PLCB1: variants seen among roughly 807,000 people sequenced by gnomAD.
The protein encoded by PLCB1 is phospholipase C beta 1, also known as 1-phosphatidylinositol 4,5-bisphosphate phosphodiesterase beta-1.
In PLCB1, 46 loss-of-function variants were observed where a neutral mutation model predicts 161.8. The observed-to-expected ratio is 0.28, with a 90% CI of 0.22 to 0.36. PLCB1 has a LOEUF of 0.36. Ranked by LOEUF, PLCB1 falls within the 10% of genes least tolerant of loss-of-function variation. The pLI, the probability that PLCB1 is intolerant of heterozygous loss-of-function variation, is 1.00. For missense variants in PLCB1, 1,016 were observed against 1,472.5 expected (o/e 0.69, Z 5.07); for synonymous variants, 517 against 503.7 (o/e 1.03, Z -0.35).
intron 3 of PLCB1, among the ~76,000 whole-genome samples, chr20:8,422,204 A>G (rs1289064423): frequency 1.3e-5 from 2 of 152,234 alleles, no homozygotes; most frequent in African/African-American, 4.8e-5. Context: ...GGTGAAGTTT[A>G]TAGAGCCAGA....
chr20:8,314,265 G>C (rs550640685), intron 2 of PLCB1, among the ~76,000 whole-genome samples: 1 of 152,078 alleles, frequency 6.6e-6, no homozygotes, highest in Admixed American at 6.6e-5. Flanking sequence ...ATAGAGGAAG[G>C]GGATAGGCCA....
At chr20:8,163,378 G>T (rs1233452629) in intron 2 of PLCB1, among the ~76,000 whole-genome samples, 1 of 152,170 alleles carries the variant, frequency 6.6e-6, no homozygotes, top group African/African-American at 2.4e-5. Context: ...GGGCTTCCAG[G>T]CCAGTGGGCC....
At chr20:8,797,922 G>T (rs542271953) in intron 31 of PLCB1, among the ~76,000 whole-genome samples, 1 of 152,300 alleles carries the variant, frequency 6.6e-6, no homozygotes, top group Admixed American at 6.5e-5. Context: ...GGCCAGGCAT[G>T]GTGGCTTATG....
chr20:8,293,421 T>A (rs1481935651), intron 2 of PLCB1, among the ~76,000 whole-genome samples: 2 of 152,138 alleles, frequency 1.3e-5, no homozygotes, highest in African/African-American at 4.8e-5. Flanking sequence ...ATAGTTCTCA[T>A]TTTGTCATAC....
rs1159340046 is a variant in PLCB1 at position 8,629,877 on chromosome 20, C to CTTTCTTTCTTTCTT, written c.384+1447_384+1448insTTCTTTCTTTCTTT. ...TCTTTCTTTCTTTCTTTCTTTCTTT[C>CTTTCTTTCTTTCTT]TCTCTCTCTTTCTTTTCTTTCTTTC... On this transcript the variant is annotated intron_variant, in intron 4 of 31. Coordinates refer to ENST00000338037, the MANE Select transcript of PLCB1 (RefSeq NM_015192.4). 1.9e-4 allele frequency among the ~76,000 whole-genome samples: 12 copies of CTTTCTTTCTTTCTT among 64,406 alleles called. 1 individual carries two copies. The highest frequency in any genetic ancestry group is 6.5e-4 in the African/African-American group (11 of 16,894). 42.3% of individuals were successfully genotyped at this position (64,406 alleles called of 152,430 possible).
intron 31 of PLCB1, among the ~76,000 whole-genome samples, chr20:8,845,274 T>C (rs13039728): frequency 0.32 from 48,344 of 151,690 alleles, 8,617 homozygotes; most frequent in East Asian, 0.63. Flanking sequence ...TTTGAACATA[T>C]CTAAGCATAT....
chr20:8,879,033 C>T (rs1173766834), intron 31 of PLCB1, among the ~76,000 whole-genome samples: 1 of 152,090 alleles, frequency 6.6e-6, no homozygotes, highest in Non-Finnish European at 1.5e-5. Flanking sequence ...ATGTTTAGCT[C>T]CCACTTATAA....
intron 27 of PLCB1, among the ~76,000 whole-genome samples, chr20:8,779,345 G>T (rs1983093593): frequency 6.6e-6 from 1 of 151,870 alleles, no homozygotes; most frequent in South Asian, 2.1e-4. Flanking sequence ...ACTAAGAAAT[G>T]AAATAATAAA....
At chr20:8,844,598 G>A (rs963321241) in intron 31 of PLCB1, among the ~76,000 whole-genome samples, 4 of 151,926 alleles carry the variant, frequency 2.6e-5, no homozygotes, top group African/African-American at 7.3e-5. Context: ...GGACGGGGGA[G>A]GGGAAAGGTG....
intron 2 of PLCB1, among the ~76,000 whole-genome samples, chr20:8,268,399 C>T (rs1419205856): frequency 1.3e-5 from 2 of 152,128 alleles, no homozygotes; most frequent in Non-Finnish European, 2.9e-5. Flanking sequence ...CAAGTCTTTG[C>T]TATTGTGAAT....
At chr20:8,581,795 T>C (rs1329067759) in intron 3 of PLCB1, among the ~76,000 whole-genome samples, 1 of 152,196 alleles carries the variant, frequency 6.6e-6, no homozygotes, top group Non-Finnish European at 1.5e-5. Context: ...CTACTCTGAA[T>C]TCAGAAGTTT....
At position 8,658,649 on chromosome 20, in the gene PLCB1, G is replaced by T. The variant is rs1222914240; in HGVS notation, c.807G>T (p.Glu269Asp). 1.2e-6 allele frequency: 2 copies of T among 1,613,060 alleles called. No individual in the cohort carries two copies. Among genetic ancestry groups the T allele is most frequent in the Non-Finnish European group, 1.7e-6 (2 of 1,179,476 alleles). The change falls in exon 9 of 32, where the codon GAG (glutamate) becomes GAT (aspartate). Residue 269 changes from glutamate (E) to aspartate (D), a missense_variant. By Grantham distance (45) the Glu-to-Asp change is conservative (BLOSUM62 2). Coordinates refer to ENST00000338037, the MANE Select transcript of PLCB1 (RefSeq NM_015192.4). ...NEILYPPLKQ[E>D]QVQVLIEKYE... ...TACTTTATCCACCTCTAAAACAAGA[G>T]CAAGTCCAAGTATTGATTGAGAAGT...
At chr20:8,350,372 G>A (rs1045802437) in intron 2 of PLCB1, among the ~76,000 whole-genome samples, 1 of 152,112 alleles carries the variant, frequency 6.6e-6, no homozygotes, top group African/African-American at 2.4e-5. Context: ...GTTAGTTTAC[G>A]GAGGATAAAA....
rs373905599 is a variant in PLCB1, at chr20:8,479,748, A to T, written c.246+108298A>T. Reference sequence around the variant, plus strand: ...AAATGTTAGTGGATGTAATGACTTTACATGTGCTTGTGTGGTATGACTCCT... The same window carrying T: ...AAATGTTAGTGGATGTAATGACTTTTCATGTGCTTGTGTGGTATGACTCCT... On this transcript the variant is annotated intron_variant, in intron 3 of 31. Coordinates refer to ENST00000338037, the MANE Select transcript of PLCB1 (RefSeq NM_015192.4). Among the ~76,000 whole-genome samples the T allele has an allele frequency of 2.0e-5, 3 of 152,344 alleles. No homozygotes were observed. In the South Asian group the frequency reaches 6.2e-4, roughly 32 times the overall value.
Position 8,657,287 on chromosome 20 carries a change from A to G in PLCB1, c.695+3A>G. ...ATTGATAACATCTTTTCAGAATTGT[A>G]AGAGTACACATTTTAAGCCATATCT... On this transcript the variant is annotated splice_donor_region_variant and intron_variant, in intron 8 of 31. Coordinates refer to ENST00000338037, the MANE Select transcript of PLCB1 (RefSeq NM_015192.4). The G allele has an allele frequency of 6.5e-7, 1 of 1,536,810 alleles. No homozygotes were observed. The highest frequency in any genetic ancestry group is 9.0e-7 in the Non-Finnish European group (1 of 1,109,758).
chr20:8,498,539 G>A (rs945338949), intron 3 of PLCB1, among the ~76,000 whole-genome samples: 1 of 152,146 alleles, frequency 6.6e-6, no homozygotes, highest in African/African-American at 2.4e-5. Context: ...TTGTCAAAGG[G>A]CCCTGTCCCC....
At chr20:8,663,106 C>T (rs908245646) in intron 9 of PLCB1, among the ~76,000 whole-genome samples, 1 of 151,774 alleles carries the variant, frequency 6.6e-6, no homozygotes, top group African/African-American at 2.4e-5. Context: ...AAGGCACTTC[C>T]ATATAGCCTA....
Position 8,284,241 on chromosome 20 carries a change from A to G in PLCB1, c.178-87141A>G, listed in dbSNP as rs569428218. On this transcript the variant is annotated intron_variant, in intron 2 of 31. Transcript: ENST00000338037. ...GGTTTTCATCTTGAATGACTAGAAC[A>G]TATATTTTAGCAATACTTTTGAGAT... is the stretch of plus-strand genomic sequence containing the variant. Among the ~76,000 whole-genome samples the G allele has an allele frequency of 2.6e-5, 4 of 152,218 alleles. No homozygotes were observed. The South Asian group carries it at 8.3e-4, about 32-fold the overall frequency.
intron 2 of PLCB1, among the ~76,000 whole-genome samples, chr20:8,225,673 AT>A: frequency 6.6e-6 from 1 of 152,268 alleles, no homozygotes; most frequent in East Asian, 1.9e-4. Context: ...ACAATGGGCA[AT>A]TTTAGCTCAG....
Sources: gnomAD v4.1 joint callset for allele counts (sites outside exome capture counted in the v4.1 genomes callset) on GRCh38, gnomAD v4.1.1 for gene constraint, MANE v1.5 for transcripts, NCBI Gene and HGNC (gene_info 2026-07-23, HGNC 2026-07-21) for gene names.